The following SGIP1 variants were observed in gnomAD, a reference collection of about 807,000 sequenced individuals.
SGIP1 encodes the protein SH3-containing GRB2-like protein 3-interacting protein 1.
In SGIP1, 38 loss-of-function variants were observed where a neutral mutation model predicts 107.5. That is an observed-to-expected ratio of 0.35 (90% confidence interval 0.27 to 0.46). SGIP1 has a LOEUF of 0.46. Among genes scored for constraint, SGIP1 ranks in the 20% least tolerant of loss-of-function variants. SGIP1 has a pLI of 1.00. For missense variants in SGIP1, 929 were observed against 1,019.5 expected (o/e 0.91, Z 1.21); for synonymous variants, 365 against 366.1 (o/e 1.00, Z 0.03).
At chr1:66,667,391 G>T in intron 8 of SGIP1, 139 bp from the exon 9 acceptor site, 1 of 802,768 alleles carries the variant, frequency 1.2e-6, no homozygotes, top group Non-Finnish European at 2.2e-6. Flanking sequence ...CACTAGGACT[G>T]CCTGTCTTCC....
intron 1 of SGIP1, among the ~76,000 whole-genome samples, chr1:66,589,690 G>A (rs1408825315): frequency 6.6e-6 from 1 of 152,086 alleles, no homozygotes; most frequent in East Asian, 1.9e-4. Context: ...GAGAGTGTTT[G>A]ACAGCATATT....
At chr1:66,599,456 A>T (rs2065335153) in intron 1 of SGIP1, among the ~76,000 whole-genome samples, 1 of 152,196 alleles carries the variant, frequency 6.6e-6, no homozygotes, top group Admixed American at 6.5e-5. Flanking sequence ...ATTCACAGCA[A>T]GTCAGAGGCA....
chr1:66,546,846 G>T (rs978785058), intron 1 of SGIP1, among the ~76,000 whole-genome samples: 13 of 152,166 alleles, frequency 8.5e-5, no homozygotes, highest in African/African-American at 3.1e-4. Context: ...CCAAGAATTT[G>T]CTAGGTGGGT....
intron 7 of SGIP1, among the ~76,000 whole-genome samples, chr1:66,652,867 T>G (rs949708107): frequency 1.3e-5 from 2 of 152,326 alleles, no homozygotes; most frequent in African/African-American, 4.8e-5. Context: ...TGCATTCTGA[T>G]GCAAGGCACT....
chr1:66,697,053 ATCATTGT>A (rs2150172832), intron 18 of SGIP1, among the ~76,000 whole-genome samples: 1 of 152,158 alleles, frequency 6.6e-6, no homozygotes, highest in East Asian at 1.9e-4. Context: ...CAACCCTCAA[ATCATTGT>A]CTGGGCTCAA....
intron 1 of SGIP1, among the ~76,000 whole-genome samples, chr1:66,543,009 T>C (rs2055372320): frequency 6.6e-6 from 1 of 152,232 alleles, no homozygotes; most frequent in Non-Finnish European, 1.5e-5. Context: ...TCTGACTGGA[T>C]GTTTCAAAAG....
At chr1:66,620,203 C>A (rs1271227484) in intron 1 of SGIP1, among the ~76,000 whole-genome samples, 1 of 152,100 alleles carries the variant, frequency 6.6e-6, no homozygotes, top group East Asian at 1.9e-4. Flanking sequence ...CCAGGAAATT[C>A]TAAGGTACTT....
chr1:66,548,241 T>C (rs2056780255), intron 1 of SGIP1, among the ~76,000 whole-genome samples: 1 of 152,096 alleles, frequency 6.6e-6, no homozygotes, highest in East Asian at 1.9e-4. Flanking sequence ...ATTTTATTTT[T>C]TTGAGGAGGA....
chr1:66,694,154 G>A (rs2090410408), intron 17 of SGIP1, among the ~76,000 whole-genome samples: 1 of 151,498 alleles, frequency 6.6e-6, no homozygotes, highest in South Asian at 2.1e-4. Context: ...TCCCAGAGAA[G>A]GTGGGGCATG....
At chr1:66,542,397 G>T (rs1052174989) in intron 1 of SGIP1, among the ~76,000 whole-genome samples, 3 of 152,174 alleles carry the variant, frequency 2.0e-5, no homozygotes, top group Non-Finnish European at 4.4e-5. Flanking sequence ...CTCTTCTGAT[G>T]ATGTGAGATG....
At chr1:66,545,913 A>G (rs1327050996) in intron 1 of SGIP1, among the ~76,000 whole-genome samples, 1 of 152,160 alleles carries the variant, frequency 6.6e-6, no homozygotes, top group Admixed American at 6.5e-5. Flanking sequence ...ACCAAGGACT[A>G]TGCCACAGTA....
intron 1 of SGIP1, among the ~76,000 whole-genome samples, chr1:66,618,011 A>T (rs780788087): frequency 1.3e-5 from 2 of 151,112 alleles, no homozygotes; most frequent in Non-Finnish European, 2.9e-5. Context: ...GGTGCTTCTC[A>T]TGCGCCATGA....
chr1:66,592,698 G>T (rs1295915939), intron 1 of SGIP1, among the ~76,000 whole-genome samples: 1 of 152,038 alleles, frequency 6.6e-6, no homozygotes, highest in Non-Finnish European at 1.5e-5. Context: ...CACCATTATA[G>T]AATCATAGAG....
intron 7 of SGIP1, among the ~76,000 whole-genome samples, chr1:66,652,411 C>T (rs918699451): frequency 6.6e-6 from 1 of 152,004 alleles, no homozygotes; most frequent in Non-Finnish European, 1.5e-5. Flanking sequence ...GCTGACCTAC[C>T]CTGGCGTGTA....
intron 18 of SGIP1, among the ~76,000 whole-genome samples, chr1:66,716,539 G>A (rs2093253752): frequency 6.6e-6 from 1 of 151,838 alleles, no homozygotes; most frequent in African/African-American, 2.4e-5. Flanking sequence ...CTATCAAACT[G>A]TAAAATGAAG....
At chr1:66,573,967 T>C (rs2060723823) in intron 1 of SGIP1, among the ~76,000 whole-genome samples, 2 of 152,196 alleles carry the variant, frequency 1.3e-5, no homozygotes, top group South Asian at 4.1e-4. Flanking sequence ...TTAGGCATGA[T>C]AATTGGATAC....
rs114721816 is a variant in SGIP1 at position 66,669,040 on chromosome 1, T to C, written c.483+1499T>C. Among the ~76,000 whole-genome samples the C allele has an allele frequency of 2.1e-3, 316 of 152,340 alleles. 2 individuals carry two copies. Among genetic ancestry groups the C allele is most frequent in the African/African-American group, 7.4e-3 (307 of 41,584 alleles). The stretch of plus-strand genomic sequence containing the variant: ...ATCCAGCAGATAGCAGGACTTTCTT[T>C]TCTGTTGCTGCTGAGTTGCTGCTGA... On this transcript the variant is annotated intron_variant, in intron 9 of 24. Transcript: ENST00000371037.
chr1:66,702,211 T>C (rs901079730), intron 18 of SGIP1, among the ~76,000 whole-genome samples: 2 of 152,192 alleles, frequency 1.3e-5, no homozygotes, highest in African/African-American at 4.8e-5. Context: ...TTTAGGTAAC[T>C]TTTCTGAGAT....
chr1:66,580,294 AG>A (rs1195015991), intron 1 of SGIP1, among the ~76,000 whole-genome samples: 4 of 152,154 alleles, frequency 2.6e-5, no homozygotes, highest in African/African-American at 9.6e-5. Context: ...CAACCACATG[AG>A]GGTTTTGCTG....
Sources: allele counts gnomAD v4.1 joint callset (sites outside exome capture counted in the v4.1 genomes callset), GRCh38; gene constraint gnomAD v4.1.1; transcripts MANE v1.5; gene names NCBI Gene and HGNC (gene_info 2026-07-23, HGNC 2026-07-21).